Variants in CNTN5 observed in about 807,000 individuals in gnomAD.
CNTN5 encodes the protein contactin-5.
CNTN5 carries 77 observed loss-of-function variants against 129.1 expected under a neutral mutation model. The observed-to-expected ratio is 0.60, with a 90% CI of 0.50 to 0.72. The LOEUF (loss-of-function observed/expected upper bound fraction) is 0.72, where lower values mean the gene tolerates loss of function less well. CNTN5 is among the 30% of genes least tolerant of loss of function. The pLI is 0.00. For missense variants in CNTN5, 1,478 were observed against 1,328.8 expected (o/e 1.11, Z -1.75); for synonymous variants, 509 against 465.6 (o/e 1.09, Z -1.20).
chr11:100,101,624 G>A (rs1945228067), intron 13 of CNTN5, among the ~76,000 whole-genome samples: 1 of 151,828 alleles, frequency 6.6e-6, no homozygotes, highest in Non-Finnish European at 1.5e-5. Context: ...GGTGGTTTTT[G>A]GTTATATGGA....
intron 3 of CNTN5, among the ~76,000 whole-genome samples, chr11:99,771,582 T>C (rs1006445333): frequency 2.0e-5 from 3 of 151,900 alleles, no homozygotes; most frequent in East Asian, 3.9e-4. Flanking sequence ...TCACTATATG[T>C]AGAATCTAAA....
chr11:99,658,293 T>C (rs1952456387), intron 3 of CNTN5, among the ~76,000 whole-genome samples: 1 of 148,918 alleles, frequency 6.7e-6, no homozygotes, highest in Non-Finnish European at 1.5e-5. Flanking sequence ...TTTTAAATAA[T>C]TGATAATACA....
chr11:99,391,296 A>G lies in CNTN5; in HGVS notation c.-71+65812A>G, dbSNP rs191083367. Among the ~76,000 whole-genome samples the G allele has an allele frequency of 3.3e-5, 5 of 152,246 alleles. No homozygotes were observed. In the East Asian group the frequency reaches 9.6e-4, roughly 29 times the overall value. On this transcript the variant is annotated intron_variant, in intron 2 of 24. Transcript: ENST00000524871. ...ATACTAGATTGTTCTTTTAATTATA[A>G]CTCTGAACTATATTGTAAATCCATT... is the stretch of plus-strand genomic sequence containing the variant.
At chr11:99,223,383 G>T (rs571501838) in intron 1 of CNTN5, among the ~76,000 whole-genome samples, 1 of 152,014 alleles carries the variant, frequency 6.6e-6, no homozygotes, top group African/African-American at 2.4e-5. Flanking sequence ...AATTATCTTT[G>T]GATTCATTTT....
intron 1 of CNTN5, among the ~76,000 whole-genome samples, chr11:99,232,695 G>T (rs751974361): frequency 1.3e-5 from 2 of 152,138 alleles, no homozygotes; most frequent in South Asian, 4.2e-4. Context: ...AAGTTAATGA[G>T]GGATATAAAT....
chr11:100,038,482 G>T (rs1081355), intron 9 of CNTN5, among the ~76,000 whole-genome samples: 1 of 152,176 alleles, frequency 6.6e-6, no homozygotes, highest in African/African-American at 2.4e-5. Flanking sequence ...TGTCTGTTAG[G>T]TCTGCTTGGT....
At chr11:99,567,478 G>C (rs1469964057) in intron 3 of CNTN5, among the ~76,000 whole-genome samples, 2 of 152,022 alleles carry the variant, frequency 1.3e-5, no homozygotes, top group African/African-American at 4.8e-5. Flanking sequence ...GTTGAACAGA[G>C]AGTGTCTGTC....
chr11:100,194,819 G>A (rs2138519213), intron 15 of CNTN5, among the ~76,000 whole-genome samples: 1 of 150,952 alleles, frequency 6.6e-6, no homozygotes, highest in Non-Finnish European at 1.5e-5. Flanking sequence ...GAGTAAAGAT[G>A]AGCTCTCTTT....
chr11:99,381,648 A>T (rs948768237), intron 2 of CNTN5, among the ~76,000 whole-genome samples: 2 of 152,172 alleles, frequency 1.3e-5, no homozygotes, highest in Admixed American at 6.5e-5. Context: ...ATTTTAATGT[A>T]TGTGGCATAG....
intron 9 of CNTN5, among the ~76,000 whole-genome samples, chr11:100,022,095 A>G (rs1355378234): frequency 1.3e-5 from 2 of 152,154 alleles, no homozygotes; most frequent in South Asian, 2.1e-4. Context: ...TCAAATGTTA[A>G]TCTCTTCTGG....
At chr11:100,040,441 T>G (rs113379027) in intron 9 of CNTN5, among the ~76,000 whole-genome samples, 28,462 of 152,178 alleles carry the variant, frequency 0.19, 2,882 homozygotes, top group East Asian at 0.37. Flanking sequence ...GAGGCATTCT[T>G]CCCATTCTCA....
At chr11:99,432,429 CCTTTTCTTTCCTTTTCTTTTCTTTT>C (rs1312872433) in intron 2 of CNTN5, among the ~76,000 whole-genome samples, 16 of 125,438 alleles carry the variant, frequency 1.3e-4, no homozygotes, top group South Asian at 5.1e-4. Context: ...CTTTTCTTTT[CCTTTTCTTTCCTTTTCTTTTCTTTT>C]CTTTTCTTTC....
chr11:99,762,353 T>C (rs549347777), intron 3 of CNTN5, among the ~76,000 whole-genome samples: 3 of 152,000 alleles, frequency 2.0e-5, no homozygotes, highest in Non-Finnish European at 4.4e-5. Context: ...GCCTGTGTCC[T>C]GAATGGTAAT....
chr11:99,060,740 C>A (rs1455536252), intron 1 of CNTN5, among the ~76,000 whole-genome samples: 1 of 151,850 alleles, frequency 6.6e-6, no homozygotes, highest in Non-Finnish European at 1.5e-5. Flanking sequence ...AGCATGTAAC[C>A]AAAATAAACT....
At chr11:99,242,113 A>G (rs1054766522) in intron 1 of CNTN5, among the ~76,000 whole-genome samples, 9 of 152,316 alleles carry the variant, frequency 5.9e-5, no homozygotes, top group Non-Finnish European at 1.3e-4. Context: ...ATATATTTTC[A>G]CAAATGGAAA....
chr11:99,293,555 T>C (rs1864260741), intron 1 of CNTN5, among the ~76,000 whole-genome samples: 1 of 152,126 alleles, frequency 6.6e-6, no homozygotes, highest in Admixed American at 6.5e-5. Flanking sequence ...GTCCTAGGCT[T>C]TTCTTTGATG....
chr11:99,056,289 C>G (rs569386545), intron 1 of CNTN5, among the ~76,000 whole-genome samples: 5 of 152,010 alleles, frequency 3.3e-5, no homozygotes, highest in African/African-American at 1.2e-4. Context: ...AATATTGGTA[C>G]TAAACAAAAG....
chr11:99,585,389 G>C (rs1467321510), intron 3 of CNTN5, among the ~76,000 whole-genome samples: 7 of 152,096 alleles, frequency 4.6e-5, no homozygotes, highest in Non-Finnish European at 7.4e-5. Context: ...AAAAAGGTAG[G>C]AGGATCTAGC....
intron 16 of CNTN5, among the ~76,000 whole-genome samples, chr11:100,240,750 G>C (rs1310493133): frequency 6.6e-6 from 1 of 152,134 alleles, no homozygotes; most frequent in Non-Finnish European, 1.5e-5. Flanking sequence ...ATTTTTTAAA[G>C]TGCCCTAGAG....
Sources: gnomAD v4.1 joint callset for allele counts (sites outside exome capture counted in the v4.1 genomes callset) on GRCh38, gnomAD v4.1.1 for gene constraint, MANE v1.5 for transcripts, NCBI Gene and HGNC (gene_info 2026-07-23, HGNC 2026-07-21) for gene names.